Variants in ME1 observed in about 807,000 individuals in gnomAD.
The protein encoded by ME1 is malic enzyme 1.
A neutral mutation model predicts 66.4 loss-of-function variants in ME1; 74 were observed. The ratio of observed to expected loss-of-function variants is 1.11; its 90% CI spans 0.92 to 1.35. ME1 has a LOEUF of 1.35. ME1 is among the 40% of genes most tolerant of loss of function. The probability of loss-of-function intolerance (pLI) is 0.00; values close to 1 mark genes in which losing one functional copy is unlikely to be tolerated. For synonymous variants in ME1, 251 were observed against 235.6 expected (o/e 1.07, Z -0.60); for missense variants, 750 against 694.1 (o/e 1.08, Z -0.90).
chr6:83,267,302 C>A (rs1319361480), intron 6 of ME1, among the ~76,000 whole-genome samples: 1 of 152,024 alleles, frequency 6.6e-6, no homozygotes, highest in Non-Finnish European at 1.5e-5. Flanking sequence ...CAAGTCTATC[C>A]ACTGCCCTTC....
At chr6:83,254,322 T>C (rs1790769089) in intron 6 of ME1, among the ~76,000 whole-genome samples, 1 of 152,198 alleles carries the variant, frequency 6.6e-6, no homozygotes, top group South Asian at 2.1e-4. Context: ...ATTGTGGCCC[T>C]TCCATTCCTC....
chr6:83,364,190 C>T (rs2128546367), intron 3 of ME1, among the ~76,000 whole-genome samples: 1 of 152,138 alleles, frequency 6.6e-6, no homozygotes, highest in Non-Finnish European at 1.5e-5. Flanking sequence ...AGAATATAAG[C>T]AGGCAGAAAA....
intron 5 of ME1, among the ~76,000 whole-genome samples, chr6:83,342,194 T>C (rs781588490): frequency 2.0e-5 from 3 of 152,188 alleles, no homozygotes; most frequent in African/African-American, 7.2e-5. Flanking sequence ...TAGCGGGTAT[T>C]TGGACCTTAG....
intron 5 of ME1, among the ~76,000 whole-genome samples, chr6:83,325,005 A>AAT (rs199542936): frequency 1.3e-5 from 2 of 151,522 alleles, no homozygotes; most frequent in African/African-American, 4.8e-5. Flanking sequence ...GCACATCAAA[A>AAT]CTTATCCACC....
chr6:83,263,916 A>T (rs76466923), intron 6 of ME1, among the ~76,000 whole-genome samples: 1 of 152,106 alleles, frequency 6.6e-6, no homozygotes, highest in African/African-American at 2.4e-5. Flanking sequence ...TAAGCTCATA[A>T]ATGAAGGTGG....
intron 5 of ME1, among the ~76,000 whole-genome samples, chr6:83,343,559 A>C (rs1768629902): frequency 6.6e-6 from 1 of 152,232 alleles, no homozygotes; most frequent in Non-Finnish European, 1.5e-5. Flanking sequence ...TTAGATAATC[A>C]GATTATTTTC....
At chr6:83,379,901 G>A (rs1024356053) in intron 3 of ME1, among the ~76,000 whole-genome samples, 7 of 152,000 alleles carry the variant, frequency 4.6e-5, no homozygotes, top group African/African-American at 1.7e-4. Flanking sequence ...AGGTTTAAGA[G>A]GGAACATTTT....
intron 6 of ME1, among the ~76,000 whole-genome samples, chr6:83,263,598 CACA>C (rs1398845819): frequency 1.3e-5 from 2 of 152,064 alleles, no homozygotes; most frequent in Non-Finnish European, 2.9e-5. Context: ...TTAAGCCAGT[CACA>C]ACATTTCCTT....
chr6:83,321,112 G>A (rs553732937), intron 5 of ME1, among the ~76,000 whole-genome samples: 14 of 152,272 alleles, frequency 9.2e-5, no homozygotes, highest in African/African-American at 2.6e-4. Context: ...GAGCGACTAT[G>A]CACTCTGGCT....
At chr6:83,330,377 A>G (rs1202831103) in intron 5 of ME1, among the ~76,000 whole-genome samples, 1 of 152,192 alleles carries the variant, frequency 6.6e-6, no homozygotes, top group Non-Finnish European at 1.5e-5. Flanking sequence ...ACATTCAGGT[A>G]AGAGTCTAAA....
At chr6:83,273,878 G>A (rs1315296717) in intron 6 of ME1, among the ~76,000 whole-genome samples, 2 of 152,116 alleles carry the variant, frequency 1.3e-5, no homozygotes, top group Non-Finnish European at 2.9e-5. Flanking sequence ...TTGGTTAAGT[G>A]CCTTTTAACT....
chr6:83,357,612 A>G (rs748878481), intron 3 of ME1, among the ~76,000 whole-genome samples: 5 of 151,972 alleles, frequency 3.3e-5, no homozygotes, highest in Non-Finnish European at 7.4e-5. Context: ...AGGAAGGTTA[A>G]TATTTGAGTC....
At chr6:83,245,003 G>A (rs913129788) in intron 7 of ME1, among the ~76,000 whole-genome samples, 3 of 152,058 alleles carry the variant, frequency 2.0e-5, no homozygotes, top group East Asian at 3.9e-4. Context: ...TCAAAGAGCC[G>A]TTTTTAGTGG....
intron 3 of ME1, among the ~76,000 whole-genome samples, chr6:83,360,546 C>A (rs775859767): frequency 6.6e-6 from 1 of 152,182 alleles, no homozygotes; most frequent in Admixed American, 6.5e-5. Flanking sequence ...GCAGAACCCC[C>A]ACATTAGCTC....
At chr6:83,362,567 C>T (rs910732452) in intron 3 of ME1, among the ~76,000 whole-genome samples, 3 of 152,196 alleles carry the variant, frequency 2.0e-5, no homozygotes, top group Non-Finnish European at 4.4e-5. Flanking sequence ...CTGGCTATGG[C>T]CACTGCTAAG....
At chr6:83,236,424 C>G (rs1790404292) in intron 9 of ME1, among the ~76,000 whole-genome samples, 1 of 152,160 alleles carries the variant, frequency 6.6e-6, no homozygotes, top group Admixed American at 6.5e-5. Flanking sequence ...TACACATTCA[C>G]ATTTACTTCT....
intron 6 of ME1, among the ~76,000 whole-genome samples, chr6:83,275,515 G>A (rs1162521680): frequency 1.7e-4 from 24 of 138,286 alleles, no homozygotes; most frequent in Middle Eastern, 3.6e-3. Flanking sequence ...GCCCAGGCTG[G>A]AGTGCAGTGG....
chr6:83,420,601 G>A (rs1770245333), intron 1 of ME1, among the ~76,000 whole-genome samples: 1 of 152,160 alleles, frequency 6.6e-6, no homozygotes, highest in African/African-American at 2.4e-5. Context: ...TTAAGGAAAA[G>A]AGATTCTCCA....
chr6:83,239,494 T>C, intron 8 of ME1, 45 bp downstream of exon 8: 1 of 1,305,998 alleles, frequency 7.7e-7, no homozygotes. Flanking sequence ...TAACACTAAT[T>C]ATATGTTAGT....
Sources: allele counts gnomAD v4.1 joint callset (sites outside exome capture counted in the v4.1 genomes callset), GRCh38; gene constraint gnomAD v4.1.1; transcripts MANE v1.5; gene names NCBI Gene and HGNC (gene_info 2026-07-23, HGNC 2026-07-21).